Variants in GALNTL6 observed in about 807,000 individuals in gnomAD.
GALNTL6 encodes polypeptide N-acetylgalactosaminyltransferase-like 6.
In GALNTL6, 46 loss-of-function variants were observed where a neutral mutation model predicts 73.7. That is an observed-to-expected ratio of 0.62 (90% CI 0.49 to 0.80). The LOEUF is 0.80. Among genes scored for constraint, GALNTL6 ranks in the 30% least tolerant of loss-of-function variants. GALNTL6 has a pLI of 0.00. For missense variants in GALNTL6, 604 were observed against 755.0 expected (o/e 0.80, Z 2.34); for synonymous variants, 259 against 263.7 (o/e 0.98, Z 0.17).
intron 2 of GALNTL6, among the ~76,000 whole-genome samples, chr4:172,082,644 A>G (rs1279982393): frequency 6.6e-6 from 1 of 152,206 alleles, no homozygotes; most frequent in African/African-American, 2.4e-5. Context: ...ATGGTATAAG[A>G]ACCAGGGACC....
At chr4:171,958,442 GT>G (rs543213425) in intron 2 of GALNTL6, among the ~76,000 whole-genome samples, 1 of 151,982 alleles carries the variant, frequency 6.6e-6, no homozygotes. Context: ...GAAAATTTTT[GT>G]TTTTTTAACA....
rs928926448 is a variant in GALNTL6 at position 172,303,833 on chromosome 4, G to A, written c.248-7781G>A. Among the ~76,000 whole-genome samples the A allele has an allele frequency of 7.2e-5, 11 of 151,810 alleles. No homozygotes were observed. In the East Asian group the frequency reaches 9.7e-4, roughly 13 times the overall value. The stretch of plus-strand genomic sequence containing the variant: ...ACTTACATCTCCCCATTTCCAAACT[G>A]CCCTCACTCCCCTGCCCCTGCCCAA... On this transcript the variant is annotated intron_variant, in intron 3 of 12. Coordinates refer to ENST00000506823, the MANE Select transcript of GALNTL6 (RefSeq NM_001034845.3).
rs1201751112 is a variant in GALNTL6 at position 172,611,879 on chromosome 4, G to A, written c.554-197482G>A. 2.0e-5 allele frequency among the ~76,000 whole-genome samples: 3 copies of A among 152,062 alleles called. No homozygotes were observed. The East Asian group carries it at 5.8e-4, about 29-fold the overall frequency. On this transcript the variant is annotated intron_variant, in intron 5 of 12. Transcript: ENST00000506823. ...GCAGACAATTGTAGTTCATATTAAT[G>A]CCTCATGATTTATAAGGCACAGGAA...
chr4:172,191,258 A>G (rs1560961832), intron 2 of GALNTL6, among the ~76,000 whole-genome samples: 1 of 152,150 alleles, frequency 6.6e-6, no homozygotes. Flanking sequence ...TATGTCATCC[A>G]TTTCTGACCG....
rs186499143 is a variant in GALNTL6, at chr4:172,521,722, A to T, written c.553+173033A>T. 2.6e-3 allele frequency among the ~76,000 whole-genome samples: 402 copies of T among 152,356 alleles called. 3 individuals are homozygous for T. The highest frequency in any genetic ancestry group is 8.8e-3 in the African/African-American group (364 of 41,588). ...TCTCTCCAGAGACTTTTATCTCTTC[A>T]GATGTGACCTTGTACAATTAAATCT... On this transcript the variant is annotated intron_variant, in intron 5 of 12. Coordinates refer to ENST00000506823, the MANE Select transcript of GALNTL6 (RefSeq NM_001034845.3).
chr4:171,955,300 C>G (rs1478432785), intron 2 of GALNTL6, among the ~76,000 whole-genome samples: 2 of 151,910 alleles, frequency 1.3e-5, no homozygotes, highest in African/African-American at 4.8e-5. Flanking sequence ...CTCTTTAAAA[C>G]CATTTTTATT....
At chr4:172,121,905 C>T (rs1733160601) in intron 2 of GALNTL6, among the ~76,000 whole-genome samples, 1 of 150,984 alleles carries the variant, frequency 6.6e-6, no homozygotes, top group South Asian at 2.1e-4. Flanking sequence ...TAAACCTGGG[C>T]TTAAAGGAAA....
At chr4:171,875,829 G>A (rs1471810810) in intron 2 of GALNTL6, among the ~76,000 whole-genome samples, 1 of 150,320 alleles carries the variant, frequency 6.7e-6, no homozygotes, top group Non-Finnish European at 1.5e-5. Flanking sequence ...TCCTCCCCCA[G>A]GTGCTTTATT....
chr4:172,534,870 A>G (rs1428732513), intron 5 of GALNTL6, among the ~76,000 whole-genome samples: 1 of 152,138 alleles, frequency 6.6e-6, no homozygotes, highest in Admixed American at 6.6e-5. Context: ...CTGGCCTCTA[A>G]ATGACAGATT....
Position 172,498,720 on chromosome 4 carries a change from T to G in GALNTL6, c.553+150031T>G, listed in dbSNP as rs1215428006. ...AAGGTTGTAGCTTAATGGAACTATA[T>G]CGACTGAGCTGCATTTTTAGAGCTT... is the stretch of plus-strand genomic sequence containing the variant. On this transcript the variant is annotated intron_variant, in intron 5 of 12. Transcript: ENST00000506823. Among the ~76,000 whole-genome samples the G allele has an allele frequency of 2.0e-5, 3 of 152,308 alleles. No homozygotes were observed. In the East Asian group the frequency reaches 5.8e-4, roughly 29 times the overall value.
chr4:172,022,337 T>A (rs1294237388), intron 2 of GALNTL6, among the ~76,000 whole-genome samples: 1 of 152,062 alleles, frequency 6.6e-6, no homozygotes, highest in Non-Finnish European at 1.5e-5. Flanking sequence ...AGAGCCTTCC[T>A]CCACACTGAC....
At chr4:172,105,099 A>G (rs573266949) in intron 2 of GALNTL6, among the ~76,000 whole-genome samples, 1 of 152,310 alleles carries the variant, frequency 6.6e-6, no homozygotes, top group South Asian at 2.1e-4. Flanking sequence ...GGGAAAAAAA[A>G]GAAGAAAAAG....
chr4:172,541,372 C>T (rs1235955524), intron 5 of GALNTL6, among the ~76,000 whole-genome samples: 1 of 152,172 alleles, frequency 6.6e-6, no homozygotes, highest in Non-Finnish European at 1.5e-5. Context: ...ATTGGCAGAA[C>T]ATATGAGAGT....
At chr4:172,774,038 T>C (rs1196670575) in intron 5 of GALNTL6, among the ~76,000 whole-genome samples, 1 of 152,140 alleles carries the variant, frequency 6.6e-6, no homozygotes, top group Non-Finnish European at 1.5e-5. Context: ...ATATTGATGA[T>C]TTATTGTGAA....
intron 7 of GALNTL6, among the ~76,000 whole-genome samples, chr4:172,837,823 G>A (rs1336512174): frequency 2.0e-5 from 3 of 152,196 alleles, no homozygotes; most frequent in Non-Finnish European, 4.4e-5. Flanking sequence ...ATCCTGGATA[G>A]CTAAAAACTA....
At chr4:172,468,269 A>T in intron 5 of GALNTL6, among the ~76,000 whole-genome samples, 1 of 152,156 alleles carries the variant, frequency 6.6e-6, no homozygotes. Context: ...ATCATTTTTT[A>T]AAAACTATCT....
rs1741769432 is a variant in GALNTL6, at chr4:172,818,921, G to A, written c.923+5198G>A. Among the ~76,000 whole-genome samples, 4 of 152,218 alleles carry A rather than the reference G, an allele frequency of 2.6e-5. No homozygotes were observed. In the South Asian group the frequency reaches 8.3e-4, roughly 32 times the overall value. On this transcript the variant is annotated intron_variant, in intron 7 of 12. Transcript: ENST00000506823. ...CACAATCATCCATTTTATTCTCTCAGAAACCACTATGTTCCACAGACATAT... is the reference window on the plus strand; with the variant it reads ...CACAATCATCCATTTTATTCTCTCAAAAACCACTATGTTCCACAGACATAT...
chr4:172,479,212 A>G (rs1733349932), intron 5 of GALNTL6, among the ~76,000 whole-genome samples: 1 of 152,142 alleles, frequency 6.6e-6, no homozygotes, highest in Non-Finnish European at 1.5e-5. Context: ...AGACACCTGC[A>G]CTCATGTGTT....
intron 2 of GALNTL6, among the ~76,000 whole-genome samples, chr4:172,202,091 T>G (rs1406768620): frequency 1.3e-5 from 2 of 152,212 alleles, no homozygotes; most frequent in Non-Finnish European, 2.9e-5. Context: ...AAAAATATCA[T>G]CTCATGTAAA....
Sources: allele counts gnomAD v4.1 joint callset (sites outside exome capture counted in the v4.1 genomes callset), GRCh38; gene constraint gnomAD v4.1.1; transcripts MANE v1.5; gene names NCBI Gene and HGNC (gene_info 2026-07-23, HGNC 2026-07-21).